DCDC2: variants seen among roughly 807,000 people sequenced by gnomAD.
DCDC2 encodes the protein doublecortin domain-containing protein 2.
In DCDC2, 40 loss-of-function variants were observed where a neutral mutation model predicts 50.2. That is an observed-to-expected ratio of 0.80 (90% CI 0.62 to 1.04). DCDC2 has a LOEUF of 1.04. Among genes scored for constraint, DCDC2 ranks in the 50% least tolerant of loss-of-function variants. The probability of loss-of-function intolerance (pLI) is 0.00; values close to 1 mark genes in which losing one functional copy is unlikely to be tolerated. For synonymous variants in DCDC2, 234 were observed against 210.6 expected (o/e 1.11, Z -0.96); for missense variants, 570 against 581.9 (o/e 0.98, Z 0.21).
At chr6:24,362,038 A>T (rs1760673640), upstream of DCDC2, among the ~76,000 whole-genome samples, 1 of 152,178 alleles carries the variant, frequency 6.6e-6, no homozygotes, top group Non-Finnish European at 1.5e-5. Context: ...TGAAGCCATG[A>T]AATGTGCAGT....
At chr6:24,201,984 G>C (rs1439932436) in intron 8 of DCDC2, among the ~76,000 whole-genome samples, 1 of 151,842 alleles carries the variant, frequency 6.6e-6, no homozygotes, top group Non-Finnish European at 1.5e-5. Context: ...CTGAAATTGA[G>C]GCAGTAATAG....
chr6:24,206,592 C>T (rs1244340022), intron 7 of DCDC2, among the ~76,000 whole-genome samples: 1 of 152,024 alleles, frequency 6.6e-6, no homozygotes, highest in Non-Finnish European at 1.5e-5. Context: ...CAAAGGCAGG[C>T]CTATAGATAC....
At chr6:24,190,878 G>A (rs556283816) in intron 8 of DCDC2, among the ~76,000 whole-genome samples, 7 of 152,290 alleles carry the variant, frequency 4.6e-5, no homozygotes, top group African/African-American at 1.7e-4. Flanking sequence ...CAGCAGTGAA[G>A]GTTGAGTGGC....
chr6:24,359,342 T>A (rs1760599006), upstream of DCDC2, among the ~76,000 whole-genome samples: 1 of 66,456 alleles, frequency 1.5e-5, no homozygotes, highest in Non-Finnish European at 2.4e-5. Flanking sequence ...ATATTATATA[T>A]TATATATATT....
At chr6:24,209,960 A>C (rs1458450496) in intron 7 of DCDC2, among the ~76,000 whole-genome samples, 15 of 152,042 alleles carry the variant, frequency 9.9e-5, no homozygotes. Context: ...GACCATCATT[A>C]CAATATTTAT....
At chr6:24,382,869 G>T in the DCDC2 span, among the ~76,000 whole-genome samples, 1 of 152,136 alleles carries the variant, frequency 6.6e-6, no homozygotes, top group Admixed American at 6.5e-5. Flanking sequence ...GTCCAGTTTG[G>T]ACTATCAGTT....
chr6:24,210,224 T>C (rs913710983), intron 7 of DCDC2, among the ~76,000 whole-genome samples: 10 of 152,202 alleles, frequency 6.6e-5, no homozygotes, highest in African/African-American at 2.4e-4. Context: ...ACACACTTTC[T>C]AGATTAATCT....
chr6:24,334,269 A>G (rs893056137), intron 2 of DCDC2, among the ~76,000 whole-genome samples: 12 of 152,230 alleles, frequency 7.9e-5, no homozygotes, highest in African/African-American at 2.9e-4. Context: ...TACTTACTGG[A>G]AATGCTGGAC....
intron 2 of DCDC2, among the ~76,000 whole-genome samples, chr6:24,320,721 T>C (rs1410372787): frequency 2.0e-5 from 3 of 152,174 alleles, no homozygotes; most frequent in African/African-American, 7.2e-5. Flanking sequence ...TGTATGTATG[T>C]ATAGTTATAT....
At position 24,301,744 on chromosome 6, in the gene DCDC2, T is replaced by C. The variant is rs370158436; in HGVS notation, c.528A>G (p.Lys176=). Reference sequence around the variant, plus strand: ...GAACAGCCCCGCTCCTCAGAGTGATTTTTTCTGTGACCATTTGTAGTACAT... The same window carrying C: ...GAACAGCCCCGCTCCTCAGAGTGATCTTTTCTGTGACCATTTGTAGTACAT... The part of the protein sequence containing the change: ...WDHVLQMVTE[K]ITLRSGAVHR... Residue 176 remains lysine (K), a synonymous_variant, in exon 4 of 10, where the codon AAA becomes AAG. Coordinates refer to ENST00000378454, the MANE Select transcript of DCDC2 (RefSeq NM_016356.5). 3.7e-6 allele frequency: 6 copies of C among 1,614,110 alleles called. No homozygotes were observed. Among genetic ancestry groups the C allele is most frequent in the Non-Finnish European group, 5.1e-6 (6 of 1,180,020 alleles).
chr6:24,292,012 C>T (rs1040743901), intron 4 of DCDC2, among the ~76,000 whole-genome samples: 22 of 152,034 alleles, frequency 1.4e-4, no homozygotes, highest in African/African-American at 5.3e-4. Flanking sequence ...TTTGCCGTCC[C>T]TACTAAGCAA....
chr6:24,365,328 G>A, the DCDC2 span, among the ~76,000 whole-genome samples: 5 of 152,178 alleles, frequency 3.3e-5, no homozygotes, highest in African/African-American at 9.6e-5. Context: ...AGATTTGCTC[G>A]TCACCCAGGT....
At chr6:24,247,542 G>GGAA (rs1323421182) in intron 7 of DCDC2, among the ~76,000 whole-genome samples, 2 of 151,954 alleles carry the variant, frequency 1.3e-5, no homozygotes, top group Non-Finnish European at 2.9e-5. Flanking sequence ...GGCTAAGAAG[G>GGAA]GAAGAACATA....
At chr6:24,200,745 A>C (rs1228570036) in intron 8 of DCDC2, among the ~76,000 whole-genome samples, 1 of 152,064 alleles carries the variant, frequency 6.6e-6, no homozygotes, top group Non-Finnish European at 1.5e-5. Context: ...TGCTGTATTC[A>C]GGAGACTCAT....
intron 8 of DCDC2, among the ~76,000 whole-genome samples, chr6:24,181,715 T>C (rs1761076333): frequency 6.6e-6 from 1 of 152,226 alleles, no homozygotes; most frequent in African/African-American, 2.4e-5. Flanking sequence ...CCCATGTTAA[T>C]GTATTAGAAT....
At chr6:24,193,796 G>GA (rs1244802339) in intron 8 of DCDC2, among the ~76,000 whole-genome samples, 4 of 151,722 alleles carry the variant, frequency 2.6e-5, no homozygotes, top group Admixed American at 6.6e-5. Flanking sequence ...ACGAGTTTGG[G>GA]AAAAAATCTA....
intron 6 of DCDC2, among the ~76,000 whole-genome samples, chr6:24,279,556 G>A (rs190711975): frequency 6.6e-6 from 1 of 152,112 alleles, no homozygotes; most frequent in East Asian, 1.9e-4. Flanking sequence ...ACTCCAGCCT[G>A]GGCAACAAAG....
intron 2 of DCDC2, among the ~76,000 whole-genome samples, chr6:24,341,650 C>G (rs793707): frequency 1 from 151,783 of 152,324 alleles, 75,623 homozygotes; most frequent in Non-Finnish European, 1. Flanking sequence ...TGAGTTCGGT[C>G]ATAGATGTAG....
intron 7 of DCDC2, among the ~76,000 whole-genome samples, chr6:24,253,545 A>C (rs1377023405): frequency 1.3e-5 from 2 of 152,202 alleles, no homozygotes; most frequent in African/African-American, 4.8e-5. Context: ...TAGAAGGAAT[A>C]GCCTATTACA....
Sources: allele counts gnomAD v4.1 joint callset (sites outside exome capture counted in the v4.1 genomes callset), GRCh38; gene constraint gnomAD v4.1.1; transcripts MANE v1.5; gene names NCBI Gene and HGNC (gene_info 2026-07-23, HGNC 2026-07-21).